The following DPY19L1 variants were observed in gnomAD, a reference collection of about 807,000 sequenced individuals.
DPY19L1 encodes the protein protein C-mannosyl-transferase DPY19L1.
In DPY19L1, 35 loss-of-function variants were observed where a neutral mutation model predicts 96.9. The ratio of observed to expected loss-of-function variants is 0.36; its 90% CI spans 0.28 to 0.48. The LOEUF (loss-of-function observed/expected upper bound fraction) is 0.48. Among genes scored for constraint, DPY19L1 ranks in the 20% least tolerant of loss-of-function variants. The pLI is 0.99. For synonymous variants in DPY19L1, 205 were observed against 252.6 expected, an observed-to-expected ratio of 0.81 and a Z score of 1.79; for missense variants, 521 against 777.9, an observed-to-expected ratio of 0.67 and a Z score of 3.93.
intron 18 of DPY19L1, chr7:34,940,839 C>T (rs1186454522): frequency 6.4e-6 from 1 of 155,116 alleles, no homozygotes; most frequent in East Asian, 1.9e-4. Flanking sequence ...CAACCTATAT[C>T]ATCAGTCATG....
intron 1 of DPY19L1, among the ~76,000 whole-genome samples, chr7:35,027,707 A>C (rs941755719): frequency 6.8e-5 from 10 of 147,742 alleles, no homozygotes; most frequent in African/African-American, 2.2e-4. Flanking sequence ...GCATGGTGGC[A>C]CATGTCTGTA....
chr7:35,010,625 A>T (rs1054945667), intron 5 of DPY19L1, 64 bp from the exon 6 acceptor site: 42 of 998,434 alleles, frequency 4.2e-5, no homozygotes, highest in Non-Finnish European at 6.3e-5. Flanking sequence ...CGTGTCTAGC[A>T]ATTTATATTA....
At chr7:35,016,829 T>C (rs1785858274) in intron 3 of DPY19L1, among the ~76,000 whole-genome samples, 1 of 152,214 alleles carries the variant, frequency 6.6e-6, no homozygotes, top group Non-Finnish European at 1.5e-5. Flanking sequence ...ATGAGGATTA[T>C]TGTGGGTAAT....
At chr7:35,023,707 G>A (rs967700315) in intron 1 of DPY19L1, among the ~76,000 whole-genome samples, 2 of 152,184 alleles carry the variant, frequency 1.3e-5, no homozygotes, top group Non-Finnish European at 2.9e-5. Flanking sequence ...GAACCCAGGT[G>A]TCCTAATTCC....
intron 13 of DPY19L1, among the ~76,000 whole-genome samples, chr7:34,954,059 G>A (rs1222221132): frequency 2.6e-5 from 4 of 152,078 alleles, no homozygotes; most frequent in African/African-American, 7.2e-5. Flanking sequence ...TTTCCATGTT[G>A]GTTCTTGTGC....
At chr7:34,985,334 G>A (rs1406984758) in intron 7 of DPY19L1, among the ~76,000 whole-genome samples, 7 of 152,022 alleles carry the variant, frequency 4.6e-5, no homozygotes, top group South Asian at 4.1e-4. Context: ...ATAGGATTGC[G>A]TCAAACTAAA....
In DPY19L1 at chr7:34,938,176, C is replaced by T. The variant is rs146370735; in HGVS notation, c.1965-57G>A. On this transcript the variant is annotated intron_variant, in intron 20 of 21. Transcript: ENST00000638088. ...TCAAGACTAAAACGATACAATAACA[C>T]ATTTGGAAGAAAGCACTGAATTAGA... The T allele has an allele frequency of 3.4e-4, 527 of 1,544,074 alleles. 1 individual carries two copies. The African/African-American group carries it at 6.4e-3, about 19-fold the overall frequency.
At chr7:34,985,454 T>C (rs1584237498) in intron 7 of DPY19L1, among the ~76,000 whole-genome samples, 1 of 151,904 alleles carries the variant, frequency 6.6e-6, no homozygotes, top group Admixed American at 6.6e-5. Flanking sequence ...ATTCAAAATA[T>C]ATAAGGTACT....
At chr7:34,999,287 C>G (rs1314375447) in intron 6 of DPY19L1, among the ~76,000 whole-genome samples, 1 of 152,166 alleles carries the variant, frequency 6.6e-6, no homozygotes, top group East Asian at 1.9e-4. Context: ...AAGCTACACT[C>G]CATCTTAGAA....
chr7:34,979,921 A>G (rs1043128544), intron 7 of DPY19L1, among the ~76,000 whole-genome samples: 4 of 152,072 alleles, frequency 2.6e-5, no homozygotes, highest in African/African-American at 9.7e-5. Flanking sequence ...TGATTCTAAA[A>G]TTTATATGGA....
chr7:34,986,090 T>C (rs1363867285), intron 7 of DPY19L1, among the ~76,000 whole-genome samples: 1 of 152,060 alleles, frequency 6.6e-6, no homozygotes, highest in Admixed American at 6.6e-5. Context: ...CTCAATTATA[T>C]GTGGAATCTA....
intron 13 of DPY19L1, among the ~76,000 whole-genome samples, chr7:34,954,078 T>C (rs972235521): frequency 2.0e-5 from 3 of 152,212 alleles, no homozygotes; most frequent in African/African-American, 7.2e-5. Flanking sequence ...GCTGCTTTTT[T>C]AAATTAAATC....
chr7:35,011,499 T>G (rs1785711835), intron 4 of DPY19L1, 49 bp from the exon 5 acceptor site: 1 of 1,504,716 alleles, frequency 6.6e-7, no homozygotes, highest in Non-Finnish European at 9.0e-7. Context: ...CTAAACAATT[T>G]TCATTACTAG....
intron 1 of DPY19L1, among the ~76,000 whole-genome samples, chr7:35,024,495 G>A (rs947470329): frequency 6.6e-6 from 1 of 152,102 alleles, no homozygotes; most frequent in Admixed American, 6.5e-5. Flanking sequence ...ATCCTAGGGG[G>A]TGAAGTCAAT....
intron 1 of DPY19L1, among the ~76,000 whole-genome samples, chr7:35,031,490 T>C (rs1786259591): frequency 6.6e-6 from 1 of 151,166 alleles, no homozygotes; most frequent in Non-Finnish European, 1.5e-5. Flanking sequence ...CTCATTAGCA[T>C]GAACTTTAAG....
intron 6 of DPY19L1, among the ~76,000 whole-genome samples, chr7:35,003,728 A>G (rs931490146): frequency 1.3e-5 from 2 of 152,204 alleles, no homozygotes; most frequent in African/African-American, 4.8e-5. Flanking sequence ...TTGAAAACCT[A>G]TATGGGATTT....
chr7:34,936,258 C>T (rs1167242698), intron 21 of DPY19L1, among the ~76,000 whole-genome samples: 1 of 151,704 alleles, frequency 6.6e-6, no homozygotes, highest in Admixed American at 6.6e-5. Context: ...AAACAGTGCT[C>T]TGCCTACCCA....
rs571428248 is a variant in DPY19L1, at chr7:34,996,643, A to T, written c.765-6702T>A. Among the ~76,000 whole-genome samples, 10 of 152,042 alleles carry T rather than the reference A, an allele frequency of 6.6e-5. No individual in the cohort carries two copies. The East Asian group carries it at 1.9e-3, about 29-fold the overall frequency. On this transcript the variant is annotated intron_variant, in intron 6 of 21. Transcript: ENST00000638088. ...AAAGCCTGCTCCCTCTACACTGCAG[A>T]GTGTGTTGTCTTTAACAATGAATGG... is the stretch of plus-strand genomic sequence containing the variant.
intron 14 of DPY19L1, 133 bp downstream of exon 14, chr7:34,949,664 C>G: frequency 1.7e-6 from 1 of 605,230 alleles, no homozygotes; most frequent in Non-Finnish European, 2.9e-6. Flanking sequence ...AAATCTTCCT[C>G]TAAGCTGCCA....
Sources: allele counts gnomAD v4.1 joint callset (sites outside exome capture counted in the v4.1 genomes callset), GRCh38; gene constraint gnomAD v4.1.1; transcripts MANE v1.5; gene names NCBI Gene and HGNC (gene_info 2026-07-23, HGNC 2026-07-21).